Variants in SMC5 observed in about 807,000 individuals in gnomAD.
The protein encoded by SMC5 is structural maintenance of chromosomes 5, also known as structural maintenance of chromosomes protein 5.
A neutral mutation model predicts 148.3 loss-of-function variants in SMC5; 88 were observed. That is an observed-to-expected ratio of 0.59 (90% CI 0.50 to 0.71). The LOEUF is 0.71. Among genes scored for constraint, SMC5 ranks in the 30% least tolerant of loss-of-function variants. The probability of loss-of-function intolerance (pLI) is 0.00; values close to 1 mark genes in which losing one functional copy is unlikely to be tolerated. For synonymous variants in SMC5, 421 were observed against 432.8 expected, an observed-to-expected ratio of 0.97 and a Z score of 0.34; for missense variants, 1,142 against 1,298.9, an observed-to-expected ratio of 0.88 and a Z score of 1.86.
intron 17 of SMC5, among the ~76,000 whole-genome samples, chr9:70,335,903 G>A (rs554929246): frequency 8.5e-5 from 13 of 152,102 alleles, no homozygotes; most frequent in African/African-American, 9.6e-5. Context: ...TTTTTATTAC[G>A]TCATTTTAAA....
At chr9:70,311,998 C>T (rs1312870463) in intron 11 of SMC5, 1 of 151,890 alleles carries the variant, frequency 6.6e-6, no homozygotes, top group Non-Finnish European at 1.5e-5. Context: ...TGGCGGACAC[C>T]TGTAATCCCA....
chr9:70,306,894 C>T (rs1040876931), intron 11 of SMC5, among the ~76,000 whole-genome samples: 22 of 152,228 alleles, frequency 1.4e-4, no homozygotes, highest in Non-Finnish European at 3.2e-4. Context: ...GTAATTGTAT[C>T]TACTAGAGTA....
In SMC5 at chr9:70,339,662, A is replaced by G. The variant is rs116597495; in HGVS notation, c.2398-4482A>G. On this transcript the variant is annotated intron_variant, in intron 17 of 24. Transcript: ENST00000361138. The stretch of plus-strand genomic sequence containing the variant: ...AACACATGGCAGGTTGCTCTGAGGA[A>G]CTATTGCTACCACTTGGTTTTGTCC... Among the ~76,000 whole-genome samples the G allele has an allele frequency of 2.2e-3, 337 of 152,324 alleles. 2 individuals carry two copies. The highest frequency in any genetic ancestry group is 7.8e-3 in the African/African-American group (325 of 41,566).
chr9:70,271,074 C>G (rs2034438185), intron 3 of SMC5, among the ~76,000 whole-genome samples: 1 of 150,834 alleles, frequency 6.6e-6, no homozygotes, highest in Non-Finnish European at 1.5e-5. Flanking sequence ...CATCCCCAAT[C>G]TGAAAATCTG....
chr9:70,329,249 T>G (rs1275036754), intron 17 of SMC5, among the ~76,000 whole-genome samples: 1 of 152,262 alleles, frequency 6.6e-6, no homozygotes, highest in Non-Finnish European at 1.5e-5. Context: ...GGGTTTTTCT[T>G]TTCTACTGCA....
intron 17 of SMC5, among the ~76,000 whole-genome samples, chr9:70,333,671 C>T (rs752776492): frequency 2.6e-5 from 4 of 152,084 alleles, no homozygotes; most frequent in Non-Finnish European, 2.9e-5. Flanking sequence ...GCAGAGGTTG[C>T]AGTGAGCCGA....
intron 3 of SMC5, among the ~76,000 whole-genome samples, chr9:70,268,462 CA>C (rs142412181): frequency 6.3e-5 from 9 of 142,326 alleles, no homozygotes; most frequent in South Asian, 2.2e-4. Flanking sequence ...CTGCCCCCCC[CA>C]AAAAAAAAAC....
intron 1 of SMC5, 130 bp from the exon 2 acceptor site, chr9:70,264,174 C>T: frequency 2.7e-6 from 2 of 728,024 alleles, no homozygotes; most frequent in South Asian, 3.5e-5. Context: ...TATTAAAAAC[C>T]TATAAAAAAA....
At chr9:70,295,458 G>A (rs1424187333) in intron 8 of SMC5, among the ~76,000 whole-genome samples, 1 of 140,210 alleles carries the variant, frequency 7.1e-6, no homozygotes. Context: ...GTGACAGAGC[G>A]AGACCCTGTC....
Position 70,298,200 on chromosome 9 carries a change from A to G in SMC5, c.1288A>G (p.Thr430Ala). The G allele has an allele frequency of 6.2e-7, 1 of 1,611,956 alleles. No individual in the cohort carries two copies. Among genetic ancestry groups the G allele is most frequent in the South Asian group, 1.1e-5 (1 of 90,556 alleles). Residue 430 changes from threonine (T) to alanine (A), a missense_variant, in exon 9 of 25, where the codon ACT (threonine) becomes GCT (alanine). Around this residue, in one of 5 missense-constraint regions of SMC5, gnomAD observed 743 missense variants for 835.7 expected, o/e 0.89. Transcript: ENST00000361138. ...EIIDKRRERE[T>A]LEKEKKSVDD... The stretch of plus-strand genomic sequence containing the variant: ...AATTGATAAGCGAAGAGAGAGGGAA[A>G]CTCTAGAGAAGGAGAAAAAGAGTAA...
At chr9:70,290,313 A>G (rs1354187298) in intron 8 of SMC5, among the ~76,000 whole-genome samples, 2 of 152,166 alleles carry the variant, frequency 1.3e-5, no homozygotes, top group Non-Finnish European at 2.9e-5. Flanking sequence ...CCTCTTGTAA[A>G]CAGTAGATAG....
intron 22 of SMC5, 50 bp downstream of exon 22, chr9:70,348,088 AT>A (rs1418231654): frequency 4.3e-6 from 6 of 1,394,662 alleles, no homozygotes; most frequent in Non-Finnish European, 5.8e-6. Context: ...AATTTTAATT[AT>A]ATGCTTAAAG....
At chr9:70,320,231 T>G (rs2035909063) in intron 15 of SMC5, among the ~76,000 whole-genome samples, 1 of 152,214 alleles carries the variant, frequency 6.6e-6, no homozygotes, top group Non-Finnish European at 1.5e-5. Context: ...ATTCGTGGGT[T>G]GCACATCCAT....
chr9:70,296,949 G>A (rs2035218016), intron 8 of SMC5, among the ~76,000 whole-genome samples: 1 of 152,146 alleles, frequency 6.6e-6, no homozygotes, highest in Non-Finnish European at 1.5e-5. Context: ...ATAGACTGAT[G>A]ATTAAAATCT....
rs570449508 is a variant in SMC5 at position 70,314,553 on chromosome 9, A to T, written c.1579-189A>T. Among the ~76,000 whole-genome samples the T allele has an allele frequency of 2.0e-5, 3 of 150,704 alleles. No individual in the cohort carries two copies. In the East Asian group the frequency reaches 5.8e-4, roughly 29 times the overall value. ...TGGTATGTATCTCTAAAAGAAGTGG[A>T]CTCTTTTTATAAAAACACATAACTA... is the stretch of plus-strand genomic sequence containing the variant. On this transcript the variant is annotated intron_variant, in intron 11 of 24. Transcript: ENST00000361138.
intron 8 of SMC5, among the ~76,000 whole-genome samples, chr9:70,293,783 G>A (rs983804887): frequency 2.0e-4 from 31 of 151,974 alleles, no homozygotes; most frequent in Admixed American, 1.6e-3. Flanking sequence ...TTCTTCTACC[G>A]CTTTTTGTAT....
In SMC5 at chr9:70,281,041, G is replaced by A. The variant is rs1055815588; in HGVS notation, c.819+142G>A. 4.8e-6 allele frequency: 4 copies of A among 839,470 alleles called. No homozygotes were observed. The South Asian group carries it at 7.0e-5, about 15-fold the overall frequency. The allele number at this position is 839,470 out of a possible 1,614,324, so 52.0% of individuals were successfully genotyped here. ...ATATGTTATACATAATAAAATTCAT[G>A]TCTTTTTTTTTTTTGAGACGGAGTC... On this transcript the variant is annotated intron_variant, in intron 6 of 24. Coordinates refer to ENST00000361138, the MANE Select transcript of SMC5 (RefSeq NM_015110.4).
At chr9:70,286,612 A>T (rs1285847310) in intron 8 of SMC5, 1 of 176,296 alleles carries the variant, frequency 5.7e-6, no homozygotes, top group Non-Finnish European at 1.2e-5. Flanking sequence ...TAGACCTTTT[A>T]TTTTGAAAAA....
At chr9:70,286,296 A>G in intron 8 of SMC5, 25 bp downstream of exon 8, 1 of 1,461,106 alleles carries the variant, frequency 6.8e-7, no homozygotes, top group Non-Finnish European at 9.5e-7. Flanking sequence ...TAAAATTTTT[A>G]TTACATTAAA....
Sources: gnomAD v4.1 joint callset for allele counts (sites outside exome capture counted in the v4.1 genomes callset) on GRCh38, gnomAD v4.1.1 for gene constraint, gnomAD v4.1.1 regional missense constraint, MANE v1.5 for transcripts, NCBI Gene and HGNC (gene_info 2026-07-23, HGNC 2026-07-21) for gene names.